Variants in BPHL observed in about 807,000 individuals in gnomAD.
The protein encoded by BPHL is biphenyl hydrolase like.
Under a neutral mutation model 31.2 loss-of-function variants are expected in BPHL, and 27 were observed. The observed-to-expected ratio is 0.87, with a 90% CI of 0.64 to 1.19. The LOEUF (loss-of-function observed/expected upper bound fraction) is 1.19. BPHL is among the 50% of genes most tolerant of loss of function. The pLI, the probability that BPHL is intolerant of heterozygous loss-of-function variation, is 0.00. For synonymous variants in BPHL, 150 were observed against 146.8 expected (o/e 1.02, Z -0.16); for missense variants, 356 against 375.7 (o/e 0.95, Z 0.43).
chr6:3,120,400 A>T (rs190129491), intron 1 of BPHL, among the ~76,000 whole-genome samples: 1 of 152,158 alleles, frequency 6.6e-6, no homozygotes, highest in East Asian at 1.9e-4. Context: ...GTTGCATTGC[A>T]GATCATTCTT....
In BPHL at chr6:3,123,556, C is replaced by T. The variant is rs531552949; in HGVS notation, c.108-101C>T. The T allele has an allele frequency of 8.2e-5, 78 of 952,512 alleles. No individual in the cohort carries two copies. The East Asian group carries it at 1.8e-3, about 22-fold the overall frequency. 59.0% of individuals were successfully genotyped at this position (952,512 alleles called of 1,614,324 possible). A position where few individuals can be genotyped will look rare whatever the true frequency, so the allele number is the denominator to read the frequency against. Reference sequence around the variant, plus strand: ...CGTAGTCATCCTACAGCGCGTAGAACACTAACACTTATTCCTCCTGTCTAG... The same window carrying T: ...CGTAGTCATCCTACAGCGCGTAGAATACTAACACTTATTCCTCCTGTCTAG... On this transcript the variant is annotated intron_variant, in intron 1 of 6. Transcript: ENST00000380379.
intron 6 of BPHL, among the ~76,000 whole-genome samples, chr6:3,142,188 G>A (rs550084928): frequency 1.3e-5 from 2 of 151,366 alleles, no homozygotes; most frequent in African/African-American, 2.4e-5. Context: ...GCGCGATCTC[G>A]GCTCACTGCA....
intron 3 of BPHL, among the ~76,000 whole-genome samples, chr6:3,127,988 T>G: frequency 6.6e-6 from 1 of 152,088 alleles, no homozygotes; most frequent in Non-Finnish European, 1.5e-5. Flanking sequence ...GCCCAGCTAA[T>G]TTTTGTATTT....
intron 1 of BPHL, among the ~76,000 whole-genome samples, chr6:3,120,049 T>C (rs1275418843): frequency 6.6e-6 from 1 of 152,160 alleles, no homozygotes; most frequent in Non-Finnish European, 1.5e-5. Flanking sequence ...TTCTTTTTTT[T>C]TTTGAGACTG....
chr6:3,120,725 T>C (rs1581457444), intron 1 of BPHL, among the ~76,000 whole-genome samples: 1 of 152,236 alleles, frequency 6.6e-6, no homozygotes, highest in East Asian at 1.9e-4. Flanking sequence ...AAGCCTTTTC[T>C]ACCTGAAATT....
intron 4 of BPHL, among the ~76,000 whole-genome samples, chr6:3,132,191 G>A (rs960413362): frequency 1.3e-5 from 2 of 152,134 alleles, no homozygotes; most frequent in African/African-American, 4.8e-5. Flanking sequence ...GTGTGCTAGA[G>A]ACCAAGCCCC....
At chr6:3,121,327 G>A (rs1404485297) in intron 1 of BPHL, among the ~76,000 whole-genome samples, 2 of 121,824 alleles carry the variant, frequency 1.6e-5, no homozygotes, top group African/African-American at 6.6e-5. Flanking sequence ...TTGAGACGGA[G>A]TCTCTCTCTG....
Position 3,149,989 on chromosome 6 carries a change from A to C in BPHL, c.789-2499A>C, listed in dbSNP as rs1162966214. ...AGCAGAATGAAAAAGGAAAATATTT[A>C]GTTTCTGAATAAAAAGGGGCTATTG... is the stretch of plus-strand genomic sequence containing the variant. On this transcript the variant is annotated intron_variant, in intron 6 of 6. Transcript: ENST00000380379. The surrounding 1 kb of genome is among the most constrained non-coding windows in gnomAD (Gnocchi z 4.6). 6.6e-6 allele frequency: 1 copy of C among 152,186 alleles called. No homozygotes were observed. Among genetic ancestry groups the C allele is most frequent in the Non-Finnish European group, 1.5e-5 (1 of 68,032 alleles). 9.4% of individuals were successfully genotyped at this position (152,186 alleles called of 1,614,324 possible).
intron 2 of BPHL, among the ~76,000 whole-genome samples, chr6:3,125,567 G>T (rs1761690290): frequency 6.6e-6 from 1 of 152,068 alleles, no homozygotes; most frequent in African/African-American, 2.4e-5. Context: ...GTGTGCCAGG[G>T]AGCAAATGCC....
At chr6:3,122,144 G>A (rs1049751889) in intron 1 of BPHL, among the ~76,000 whole-genome samples, 1 of 152,138 alleles carries the variant, frequency 6.6e-6, no homozygotes, top group South Asian at 2.1e-4. Flanking sequence ...GCCGGGCGTG[G>A]TGGCGGGTGC....
chr6:3,144,756 C>T (rs981934304), intron 6 of BPHL, among the ~76,000 whole-genome samples: 5 of 152,162 alleles, frequency 3.3e-5, no homozygotes, highest in South Asian at 2.1e-4. Context: ...AACACTCCAC[C>T]GCCTATCCCA....
Position 3,152,511 on chromosome 6 carries a change from AAC to A in BPHL, c.816_817del (p.His272GlnfsTer9), listed in dbSNP as rs1334017794. The A allele has an allele frequency of 1.2e-6, 2 of 1,613,452 alleles. No individual in the cohort carries two copies. The highest frequency in any genetic ancestry group is 2.2e-5 in the East Asian group (1 of 44,860). On this transcript the variant is annotated frameshift_variant, in exon 7 of 7. Coordinates refer to ENST00000380379, the MANE Select transcript of BPHL (RefSeq NM_004332.4). LOFTEE classifies it high-confidence loss of function. ...AGGCTGCATTTGATGCCAGAAGGCA[AAC>A]ACAACCTGCATTTGCGTTTTGCAGA...
intron 4 of BPHL, 118 bp downstream of exon 4, chr6:3,129,316 C>CGTATGA: frequency 7.8e-7 from 1 of 1,285,360 alleles, no homozygotes. Context: ...GTTCTCAACT[C>CGTATGA]TCAGGTAGGA....
chr6:3,138,114 G>A, intron 5 of BPHL: 1 of 771,982 alleles, frequency 1.3e-6, no homozygotes, highest in Non-Finnish European at 1.9e-6. Flanking sequence ...TGTCTCCTGG[G>A]TTCAAGCGAT....
At chr6:3,124,370 C>T (rs79286786) in intron 2 of BPHL, among the ~76,000 whole-genome samples, 264 of 152,164 alleles carry the variant, frequency 1.7e-3, no homozygotes, top group Admixed American at 3.5e-3. Flanking sequence ...TGCAGTGATT[C>T]CAGTACATCC....
chr6:3,124,573 C>CT (rs1035043867), intron 2 of BPHL, among the ~76,000 whole-genome samples: 33 of 149,458 alleles, frequency 2.2e-4, no homozygotes, highest in African/African-American at 8.2e-4. Context: ...CTCCTGTATA[C>CT]TTTAAGTCAT....
chr6:3,118,978 T>C (rs988032470), intron 1 of BPHL, 131 bp downstream of exon 1: 23 of 791,292 alleles, frequency 2.9e-5, no homozygotes, highest in Non-Finnish European at 3.6e-5. Context: ...GGCTGCCCTG[T>C]CGCCCTTTGT....
Position 3,140,612 on chromosome 6 carries a change from C to T in BPHL, c.788+103C>T. ...CAAGAGGAGTTGGAGTTTTAGAGTG[C>T]ACAGCCCCCCTTTTGCCAATGCCAG... On this transcript the variant is annotated intron_variant, in intron 6 of 6. Transcript: ENST00000380379. The surrounding 1 kb of genome is among the most constrained non-coding windows in gnomAD (Gnocchi z 5.2). The T allele has an allele frequency of 6.6e-7, 1 of 1,523,200 alleles. No homozygotes were observed. The highest frequency in any genetic ancestry group is 8.9e-7 in the Non-Finnish European group (1 of 1,127,252). 94.4% of individuals were successfully genotyped at this position (1,523,200 alleles called of 1,614,324 possible).
intron 2 of BPHL, chr6:3,126,921 ATTT>A (rs34930913): frequency 1.1e-3 from 111 of 100,126 alleles, no homozygotes; most frequent in East Asian, 1.4e-3. Flanking sequence ...GCCCGGCTAC[ATTT>A]TTTTTTTTTT....
Sources: gnomAD v4.1 joint callset for allele counts (sites outside exome capture counted in the v4.1 genomes callset) on GRCh38, gnomAD v4.1.1 for gene constraint, Gnocchi (gnomAD v3.1) non-coding constraint, MANE v1.5 for transcripts, NCBI Gene and HGNC (gene_info 2026-07-23, HGNC 2026-07-21) for gene names.